Variants in SCARA5 observed in about 807,000 individuals in gnomAD.
SCARA5 encodes scavenger receptor class A member 5.
SCARA5 carries 45 observed loss-of-function variants against 46.3 expected under a neutral mutation model. The observed-to-expected ratio is 0.97, with a 90% CI of 0.76 to 1.24. The LOEUF is 1.24. Among genes scored for constraint, SCARA5 ranks in the 50% most tolerant of loss-of-function variants. The probability of loss-of-function intolerance (pLI) is 0.00; values close to 1 mark genes in which losing one functional copy is unlikely to be tolerated. For synonymous variants in SCARA5, 333 were observed against 306.5 expected, an observed-to-expected ratio of 1.09 and a Z score of -0.90; for missense variants, 680 against 689.0, an observed-to-expected ratio of 0.99 and a Z score of 0.15.
At chr8:27,912,455 C>T (rs1807393126) in intron 4 of SCARA5, among the ~76,000 whole-genome samples, 1 of 152,184 alleles carries the variant, frequency 6.6e-6, no homozygotes, top group Non-Finnish European at 1.5e-5. Context: ...TTTTGTGATC[C>T]CAGTTTTCAG....
intron 2 of SCARA5, among the ~76,000 whole-genome samples, chr8:27,969,876 G>A (rs558788421): frequency 2.0e-5 from 3 of 152,262 alleles, no homozygotes; most frequent in African/African-American, 7.2e-5. Flanking sequence ...AAGGATTGTA[G>A]GGGTAAAAAC....
chr8:27,892,231 C>T (rs1381110116), intron 7 of SCARA5, among the ~76,000 whole-genome samples: 2 of 152,296 alleles, frequency 1.3e-5, no homozygotes, highest in African/African-American at 2.4e-5. Flanking sequence ...GGGCAGTGGC[C>T]CCCAGAACGG....
rs10660825 is a variant in SCARA5, at chr8:27,933,521, T to TAAAAA, written c.242-11281_242-11277dup. Among the ~76,000 whole-genome samples the TAAAAA allele has an allele frequency of 3.8e-5, 5 of 130,934 alleles. 1 individual carries two copies. Among genetic ancestry groups the TAAAAA allele is most frequent in the South Asian group, 2.5e-4 (1 of 3,922 alleles). 85.9% of individuals were successfully genotyped at this position (130,934 alleles called of 152,430 possible). A position where few individuals can be genotyped will look rare whatever the true frequency, so the allele number is the denominator to read the frequency against. ...TGGGTGACAGAGTGAGACTCCATCT[T>TAAAAA]AAAAAAAAAAAAAAAAGAGACAACA... On this transcript the variant is annotated intron_variant, in intron 3 of 8. Coordinates refer to ENST00000354914, the MANE Select transcript of SCARA5 (RefSeq NM_173833.6).
At chr8:27,949,565 C>T (rs1479367458) in intron 3 of SCARA5, among the ~76,000 whole-genome samples, 2 of 152,182 alleles carry the variant, frequency 1.3e-5, no homozygotes. Flanking sequence ...GATTGAGTAG[C>T]TCAGGAATCA....
At chr8:27,908,596 G>A (rs1563520858) in intron 5 of SCARA5, among the ~76,000 whole-genome samples, 2 of 152,190 alleles carry the variant, frequency 1.3e-5, no homozygotes, top group African/African-American at 2.4e-5. Flanking sequence ...AAGAAGACAG[G>A]TTTCTCGGAG....
chr8:27,952,496 A>G (rs1289806409), intron 3 of SCARA5, among the ~76,000 whole-genome samples: 3 of 152,074 alleles, frequency 2.0e-5, no homozygotes, highest in South Asian at 2.1e-4. Context: ...GCCATCACCC[A>G]GGGGACACAG....
At chr8:27,980,075 A>C (rs1808590297) in intron 2 of SCARA5, among the ~76,000 whole-genome samples, 1 of 152,144 alleles carries the variant, frequency 6.6e-6, no homozygotes, top group South Asian at 2.1e-4. Context: ...AGGAGGGAGG[A>C]GAGAGGGGAG....
At chr8:27,971,984 A>G (rs943017944) in intron 2 of SCARA5, among the ~76,000 whole-genome samples, 4 of 152,166 alleles carry the variant, frequency 2.6e-5, no homozygotes, top group African/African-American at 9.7e-5. Context: ...AAACTTTATC[A>G]TCGTAAGTGG....
intron 8 of SCARA5, among the ~76,000 whole-genome samples, chr8:27,878,360 C>A (rs1487735386): frequency 6.6e-6 from 1 of 152,194 alleles, no homozygotes; most frequent in East Asian, 1.9e-4. Context: ...AAGCTCACTA[C>A]TGAATGGGTG....
chr8:27,963,619 G>A (rs565381125), intron 3 of SCARA5, among the ~76,000 whole-genome samples: 12 of 152,236 alleles, frequency 7.9e-5, no homozygotes, highest in South Asian at 2.1e-4. Context: ...GGTGGTGGCC[G>A]GATTAACCTT....
intron 2 of SCARA5, among the ~76,000 whole-genome samples, chr8:27,975,241 C>T (rs970850846): frequency 6.6e-6 from 1 of 152,216 alleles, no homozygotes; most frequent in African/African-American, 2.4e-5. Context: ...GAGGGCAGAA[C>T]AGCTGGGGAA....
chr8:27,907,004 C>T, intron 6 of SCARA5, 144 bp downstream of exon 6: 1 of 534,556 alleles, frequency 1.9e-6, no homozygotes, highest in East Asian at 3.1e-5. Flanking sequence ...AAACTAAATG[C>T]TTTAACAAGA....
chr8:27,967,817 G>T (rs1449054573), intron 2 of SCARA5, among the ~76,000 whole-genome samples: 2 of 152,162 alleles, frequency 1.3e-5, no homozygotes, highest in Non-Finnish European at 2.9e-5. Context: ...GGAGGCTGAG[G>T]CAGGACAATC....
chr8:27,870,001 C>G lies in SCARA5; in HGVS notation c.*1933G>C, dbSNP rs1675232. The G allele has an allele frequency of 2.0e-5, 3 of 152,234 alleles. No individual in the cohort carries two copies. Among genetic ancestry groups the G allele is most frequent in the African/African-American group, 7.2e-5 (3 of 41,456 alleles). 9.4% of individuals were successfully genotyped at this position (152,234 alleles called of 1,614,324 possible). ...AGGCCCATGGTCATTTCCATGTCCT[C>G]TGAAGTAGGTATGTAAACTAGTAGA... On this transcript the variant is annotated 3_prime_UTR_variant, in exon 9 of 9. Coordinates refer to ENST00000354914, the MANE Select transcript of SCARA5 (RefSeq NM_173833.6).
Position 27,907,255 on chromosome 8 carries a change from A to C in SCARA5, c.998-9T>G, listed in dbSNP as rs913137833. ...TCTCTCCCCGGGCAGACCTGGGGAGAAAACAGACAAATGGCAGAGCCTCAG... is the reference window on the plus strand; with the variant it reads ...TCTCTCCCCGGGCAGACCTGGGGAGCAAACAGACAAATGGCAGAGCCTCAG... On this transcript the variant is annotated splice_polypyrimidine_tract_variant and intron_variant, in intron 5 of 8. Coordinates refer to ENST00000354914, the MANE Select transcript of SCARA5 (RefSeq NM_173833.6). 2 of 1,600,612 alleles carry C rather than the reference A, an allele frequency of 1.2e-6. No individual in the cohort carries two copies. Among genetic ancestry groups the C allele is most frequent in the Non-Finnish European group, 1.7e-6 (2 of 1,169,428 alleles).
At chr8:27,925,462 C>T (rs1807665829) in intron 3 of SCARA5, among the ~76,000 whole-genome samples, 1 of 152,182 alleles carries the variant, frequency 6.6e-6, no homozygotes, top group Non-Finnish European at 1.5e-5. Context: ...GGGATCCCTT[C>T]CTTACACCTT....
At chr8:27,979,263 C>T (rs1490946627) in intron 2 of SCARA5, among the ~76,000 whole-genome samples, 1 of 152,210 alleles carries the variant, frequency 6.6e-6, no homozygotes, top group Non-Finnish European at 1.5e-5. Flanking sequence ...AGAAGCACTG[C>T]TCAGAGCCCC....
chr8:27,942,647 CTT>C (rs908858320), intron 3 of SCARA5, among the ~76,000 whole-genome samples: 1 of 152,176 alleles, frequency 6.6e-6, no homozygotes, highest in African/African-American at 2.4e-5. Context: ...TCCTTCCCCA[CTT>C]TAACTCTCGG....
intron 7 of SCARA5, among the ~76,000 whole-genome samples, chr8:27,894,830 A>T (rs1807036684): frequency 6.6e-6 from 1 of 152,210 alleles, no homozygotes; most frequent in Non-Finnish European, 1.5e-5. Flanking sequence ...TCCAAATCAC[A>T]TCCCTGCAGC....
Sources: allele counts gnomAD v4.1 joint callset (sites outside exome capture counted in the v4.1 genomes callset), GRCh38; gene constraint gnomAD v4.1.1; transcripts MANE v1.5; gene names NCBI Gene and HGNC (gene_info 2026-07-23, HGNC 2026-07-21).